The following STAU2 variants were observed in gnomAD, a reference collection of about 807,000 sequenced individuals.
STAU2 encodes the protein double-stranded RNA-binding protein Staufen homolog 2.
STAU2 carries 20 observed loss-of-function variants against 65.9 expected under a neutral mutation model. That is an observed-to-expected ratio of 0.30 (90% CI 0.21 to 0.44). The LOEUF is 0.44. Among genes scored for constraint, STAU2 ranks in the 20% least tolerant of loss-of-function variants. The probability of loss-of-function intolerance (pLI) is 1.00; values close to 1 mark genes in which losing one functional copy is unlikely to be tolerated. For synonymous variants in STAU2, 232 were observed against 233.9 expected (o/e 0.99, Z 0.07); for missense variants, 558 against 683.9 (o/e 0.82, Z 2.05).
chr8:73,606,911 A>T (rs56044335), intron 9 of STAU2, among the ~76,000 whole-genome samples: 23,417 of 152,128 alleles, frequency 0.15, 1,834 homozygotes, highest in African/African-American at 0.17. Flanking sequence ...CTACCAATTC[A>T]TGCATGCAAC....
chr8:73,442,702 G>A (rs965251023), intron 13 of STAU2, among the ~76,000 whole-genome samples: 20 of 152,132 alleles, frequency 1.3e-4, no homozygotes, highest in Non-Finnish European at 2.6e-4. Flanking sequence ...CTAATTGCTT[G>A]GCTGCAAATG....
intron 3 of STAU2, among the ~76,000 whole-genome samples, chr8:73,720,882 C>G (rs1339663115): frequency 6.6e-6 from 1 of 151,412 alleles, no homozygotes; most frequent in Admixed American, 6.6e-5. Context: ...TTTTAATTTC[C>G]AAATATTTAG....
chr8:73,537,243 G>A (rs1208397119), intron 13 of STAU2, among the ~76,000 whole-genome samples: 1 of 152,122 alleles, frequency 6.6e-6, no homozygotes, highest in African/African-American at 2.4e-5. Flanking sequence ...GGGTCTGTGA[G>A]ATCATAACAT....
At chr8:73,570,633 C>T (rs897185634) in intron 12 of STAU2, among the ~76,000 whole-genome samples, 1 of 152,076 alleles carries the variant, frequency 6.6e-6, no homozygotes. Context: ...AGAGCAACCC[C>T]AAGACACGTA....
intron 2 of STAU2, 30 bp downstream of exon 2, chr8:73,739,726 T>G: frequency 6.8e-7 from 1 of 1,474,566 alleles, no homozygotes; most frequent in Non-Finnish European, 8.9e-7. Context: ...ATTGGTGAAT[T>G]TGAGTTTTAG....
intron 13 of STAU2, among the ~76,000 whole-genome samples, chr8:73,525,871 C>T (rs1011144320): frequency 2.0e-5 from 3 of 152,220 alleles, no homozygotes; most frequent in Non-Finnish European, 4.4e-5. Flanking sequence ...AGACTGTAAG[C>T]TCCATGAGAG....
At chr8:73,443,368 G>A (rs1294089874) in intron 13 of STAU2, among the ~76,000 whole-genome samples, 2 of 152,222 alleles carry the variant, frequency 1.3e-5, no homozygotes, top group Non-Finnish European at 2.9e-5. Context: ...TGTATAGCTA[G>A]TATTATTAGC....
Position 73,613,744 on chromosome 8 carries a change from C to T in STAU2, c.891G>A (p.Lys297=), listed in dbSNP as rs1351019284. The T allele has an allele frequency of 1.2e-6, 2 of 1,602,188 alleles. No homozygotes were observed. Among genetic ancestry groups the T allele is most frequent in the East Asian group, 2.2e-5 (1 of 44,796 alleles). The change falls in exon 9 of 15, where the codon AAG becomes AAA. Residue 297 remains lysine (K), a splice_region_variant and synonymous_variant. Transcript: ENST00000524300. ...CTGATGTTCACAAATATAAACTTAC[C>T]TTTACTATTGTTTTAGGGCGTTTTT... is the stretch of plus-strand genomic sequence containing the variant. ...FFKKRPKTIV[K]AGPEYGQGMN... is the part of the protein sequence containing the mutation.
intron 6 of STAU2, among the ~76,000 whole-genome samples, chr8:73,666,528 C>T (rs747534966): frequency 1.3e-5 from 2 of 152,158 alleles, no homozygotes; most frequent in African/African-American, 2.4e-5. Context: ...AAACAAGTAA[C>T]ATTCAGGCAA....
chr8:73,632,167 T>C (rs117709323), intron 6 of STAU2, among the ~76,000 whole-genome samples: 1 of 151,928 alleles, frequency 6.6e-6, no homozygotes, highest in Non-Finnish European at 1.5e-5. Context: ...AAAGCTGACA[T>C]AAAGAACTGA....
At chr8:73,571,424 C>T (rs1027405747) in intron 12 of STAU2, among the ~76,000 whole-genome samples, 1 of 152,168 alleles carries the variant, frequency 6.6e-6, no homozygotes, top group Admixed American at 6.5e-5. Context: ...AACTCTCCAC[C>T]CCAAATCAAC....
intron 3 of STAU2, among the ~76,000 whole-genome samples, chr8:73,723,209 T>A (rs1233131246): frequency 1.3e-5 from 2 of 152,060 alleles, no homozygotes; most frequent in African/African-American, 4.8e-5. Flanking sequence ...CTCCCTAATG[T>A]GGGAGGAAAC....
At position 73,611,005 on chromosome 8, in the gene STAU2, G is replaced by C. The variant is rs139334910; in HGVS notation, c.891+2739C>G. 1.1e-3 allele frequency among the ~76,000 whole-genome samples: 161 copies of C among 152,274 alleles called. 1 individual carries two copies. Among genetic ancestry groups the C allele is most frequent in the African/African-American group, 3.6e-3 (151 of 41,518 alleles). On this transcript the variant is annotated intron_variant, in intron 9 of 14. Coordinates refer to ENST00000524300, the MANE Select transcript of STAU2 (RefSeq NM_001164380.2). Reference sequence around the variant, plus strand: ...ATGGAAATGAATGCTGCATCACAGAGTGATTAAGTGATCAAATGAGACAAT... The same window carrying C: ...ATGGAAATGAATGCTGCATCACAGACTGATTAAGTGATCAAATGAGACAAT...
chr8:73,555,266 G>A (rs757171554), intron 12 of STAU2, among the ~76,000 whole-genome samples: 6 of 152,170 alleles, frequency 3.9e-5, no homozygotes, highest in Non-Finnish European at 8.8e-5. Context: ...TGGCCAGCAG[G>A]AGCAAGGGCA....
intron 12 of STAU2, among the ~76,000 whole-genome samples, chr8:73,567,428 A>G (rs1364847701): frequency 6.6e-6 from 1 of 152,152 alleles, no homozygotes; most frequent in Non-Finnish European, 1.5e-5. Flanking sequence ...AATCACTTGA[A>G]TCCGTGAGGT....
chr8:73,624,424 A>G (rs1813491385), intron 6 of STAU2, among the ~76,000 whole-genome samples: 1 of 152,200 alleles, frequency 6.6e-6, no homozygotes, highest in Non-Finnish European at 1.5e-5. Flanking sequence ...CCTTCTCTAA[A>G]TGGATATATA....
intron 13 of STAU2, among the ~76,000 whole-genome samples, chr8:73,436,307 C>T (rs1012077545): frequency 6.6e-6 from 1 of 151,496 alleles, no homozygotes; most frequent in Non-Finnish European, 1.5e-5. Flanking sequence ...ATGCAGTGAG[C>T]CTGACGTTTT....
chr8:73,513,788 G>C (rs966781930), intron 13 of STAU2, among the ~76,000 whole-genome samples: 7 of 152,056 alleles, frequency 4.6e-5, no homozygotes, highest in African/African-American at 1.2e-4. Flanking sequence ...TGGTGGGCAT[G>C]GGGCTTTCAC....
At chr8:73,573,943 A>C (rs1299876999) in intron 12 of STAU2, among the ~76,000 whole-genome samples, 1 of 152,256 alleles carries the variant, frequency 6.6e-6, no homozygotes, top group African/African-American at 2.4e-5. Context: ...ACAGCAAAAG[A>C]AACTACCATC....
Sources: allele counts gnomAD v4.1 joint callset (sites outside exome capture counted in the v4.1 genomes callset), GRCh38; gene constraint gnomAD v4.1.1; transcripts MANE v1.5; gene names NCBI Gene and HGNC (gene_info 2026-07-23, HGNC 2026-07-21).